Variants in ANXA4 observed in about 807,000 individuals in gnomAD.
ANXA4 encodes the protein 35-beta calcimedin.
ANXA4 carries 39 observed loss-of-function variants against 49.8 expected under a neutral mutation model. The observed-to-expected ratio is 0.78, with a 90% CI of 0.61 to 1.02. The LOEUF (loss-of-function observed/expected upper bound fraction) is 1.02, where lower values mean the gene tolerates loss of function less well. Among genes scored for constraint, ANXA4 ranks in the 50% least tolerant of loss-of-function variants. ANXA4 has a pLI of 0.00. For synonymous variants in ANXA4, 134 were observed against 152.5 expected, an observed-to-expected ratio of 0.88 and a Z score of 0.89; for missense variants, 360 against 410.1, an observed-to-expected ratio of 0.88 and a Z score of 1.05.
At chr2:69,757,309 T>G (rs1330699794) in intron 1 of ANXA4, among the ~76,000 whole-genome samples, 30 of 134,222 alleles carry the variant, frequency 2.2e-4, no homozygotes, top group African/African-American at 7.9e-4. Flanking sequence ...CTCGCTGTGT[T>G]GCCCAGGCTG....
At chr2:69,775,444 C>T (rs963642484) in intron 1 of ANXA4, among the ~76,000 whole-genome samples, 1 of 152,180 alleles carries the variant, frequency 6.6e-6, no homozygotes, top group Non-Finnish European at 1.5e-5. Context: ...TATGCTACTC[C>T]GTACCATGAG....
chr2:69,709,957 A>C (rs1394240209), intron 2 of ANXA4, among the ~76,000 whole-genome samples: 2 of 139,010 alleles, frequency 1.4e-5, no homozygotes, highest in Non-Finnish European at 3.1e-5. Context: ...GGTATCACTT[A>C]TTATGGCAGC....
chr2:69,819,419 C>A, intron 11 of ANXA4, 81 bp downstream of exon 11: 1 of 1,016,420 alleles, frequency 9.8e-7, no homozygotes, highest in Non-Finnish European at 1.5e-6. Context: ...TATCCCCTAT[C>A]CAAACTTTGC....
intron 2 of ANXA4, among the ~76,000 whole-genome samples, chr2:69,677,281 A>C (rs1010145456): frequency 1.3e-5 from 2 of 152,082 alleles, no homozygotes; most frequent in Non-Finnish European, 2.9e-5. Flanking sequence ...CCCAGACTGG[A>C]GTGCAATGGC....
At chr2:69,799,495 G>A (rs965432627) in intron 3 of ANXA4, among the ~76,000 whole-genome samples, 2 of 152,234 alleles carry the variant, frequency 1.3e-5, no homozygotes, top group African/African-American at 4.8e-5. Context: ...TTAACTGTGT[G>A]TGGTTAGAAA....
At chr2:69,643,985 G>A, upstream of ANXA4, 1 of 777,778 alleles carries the variant, frequency 1.3e-6, no homozygotes, top group Non-Finnish European at 1.6e-6. Context: ...AGGGCAAGCT[G>A]GGAAAGGTAG....
At chr2:69,672,385 C>T (rs116141416) in intron 2 of ANXA4, among the ~76,000 whole-genome samples, 1,947 of 152,082 alleles carry the variant, frequency 0.013, 51 homozygotes, top group African/African-American at 0.045. Flanking sequence ...TTATGTGCCA[C>T]CACACCCAAC....
upstream of ANXA4, among the ~76,000 whole-genome samples, chr2:69,737,656 G>A (rs1006199606): frequency 6.6e-6 from 1 of 152,082 alleles, no homozygotes; most frequent in African/African-American, 2.4e-5. Flanking sequence ...AGAGTGCAGT[G>A]GCTGTTCACA....
At chr2:69,680,219 A>G (rs1360737544) in intron 2 of ANXA4, among the ~76,000 whole-genome samples, 1 of 152,090 alleles carries the variant, frequency 6.6e-6, no homozygotes, top group Non-Finnish European at 1.5e-5. Context: ...GAAGTCTTTC[A>G]CTTCCTTGGT....
Position 69,810,691 on chromosome 2 carries a change from A to T in ANXA4, c.477+18A>T. On this transcript the variant is annotated intron_variant, in intron 7 of 12. Coordinates refer to ENST00000394295, the MANE Select transcript of ANXA4 (RefSeq NM_001153.5). ...TGTCAGCTGTGAGTGACTGCTTCTG[A>T]TGGGGGGCGGGTTTTATCGAAATGT... 1 of 1,606,310 alleles carries T rather than the reference A, an allele frequency of 6.2e-7. No homozygotes were observed. The highest frequency in any genetic ancestry group is 8.5e-7 in the Non-Finnish European group (1 of 1,173,316).
At chr2:69,690,047 C>G (rs1677909084) in intron 2 of ANXA4, among the ~76,000 whole-genome samples, 1 of 152,104 alleles carries the variant, frequency 6.6e-6, no homozygotes, top group Non-Finnish European at 1.5e-5. Flanking sequence ...CTAAGGATCA[C>G]TCCATATATT....
intron 3 of ANXA4, among the ~76,000 whole-genome samples, chr2:69,788,982 C>CT (rs1316705532): frequency 2.0e-5 from 3 of 152,048 alleles, no homozygotes; most frequent in Non-Finnish European, 4.4e-5. Context: ...TAGTTCTTCA[C>CT]TTTAATAAAG....
At chr2:69,787,592 T>C (rs1025452349) in intron 2 of ANXA4, among the ~76,000 whole-genome samples, 5 of 152,126 alleles carry the variant, frequency 3.3e-5, no homozygotes, top group Non-Finnish European at 5.9e-5. Context: ...TAGTTTGTCT[T>C]CCCCCCACTC....
At chr2:69,767,634 C>T (rs925278078) in intron 1 of ANXA4, among the ~76,000 whole-genome samples, 6 of 152,176 alleles carry the variant, frequency 3.9e-5, no homozygotes, top group Non-Finnish European at 7.3e-5. Flanking sequence ...ATTAGAAATG[C>T]GCTGCTTTCT....
upstream of ANXA4, among the ~76,000 whole-genome samples, chr2:69,741,242 T>C (rs373926197): frequency 1.3e-5 from 2 of 152,232 alleles, no homozygotes; most frequent in Non-Finnish European, 2.9e-5. Flanking sequence ...AATTTGCCTA[T>C]AGACTCAACG....
intron 3 of ANXA4, among the ~76,000 whole-genome samples, chr2:69,789,393 T>G (rs529602798): frequency 6.6e-6 from 1 of 152,206 alleles, no homozygotes; most frequent in African/African-American, 2.4e-5. Flanking sequence ...CTTGTTGCTG[T>G]GGTGATAGAC....
At chr2:69,708,397 A>G (rs549407452) in intron 2 of ANXA4, among the ~76,000 whole-genome samples, 1 of 152,312 alleles carries the variant, frequency 6.6e-6, no homozygotes, top group South Asian at 2.1e-4. Flanking sequence ...ACAGTTAAGT[A>G]TTTTAAGGCT....
intron 1 of ANXA4, among the ~76,000 whole-genome samples, chr2:69,749,581 T>C (rs1171443086): frequency 1.3e-5 from 2 of 151,990 alleles, no homozygotes; most frequent in Non-Finnish European, 2.9e-5. Flanking sequence ...AGAATGACAG[T>C]GAAGATATTT....
chr2:69,653,402 C>A (rs1219892808), intron 2 of ANXA4: 1 of 152,228 alleles, frequency 6.6e-6, no homozygotes, highest in Non-Finnish European at 1.5e-5. Flanking sequence ...GGACAAAAAT[C>A]ATTAACTGGA....
Sources: allele counts gnomAD v4.1 joint callset (sites outside exome capture counted in the v4.1 genomes callset), GRCh38; gene constraint gnomAD v4.1.1; transcripts MANE v1.5; gene names NCBI Gene and HGNC (gene_info 2026-07-23, HGNC 2026-07-21).